The following KLHDC10 variants were observed in gnomAD, a reference collection of about 807,000 sequenced individuals.
KLHDC10 encodes the protein kelch domain-containing protein 10.
A neutral mutation model predicts 56.1 loss-of-function variants in KLHDC10; 24 were observed. The observed-to-expected ratio is 0.43, with a 90% CI of 0.31 to 0.60. The LOEUF (loss-of-function observed/expected upper bound fraction) is 0.60. Ranked by LOEUF, KLHDC10 falls within the 20% of genes least tolerant of loss-of-function variation. KLHDC10 has a pLI of 0.11. For missense variants in KLHDC10, 349 were observed against 567.0 expected (o/e 0.62, Z 3.91); for synonymous variants, 188 against 207.1 (o/e 0.91, Z 0.79).
intron 1 of KLHDC10, among the ~76,000 whole-genome samples, chr7:130,084,763 C>T (rs144497795): frequency 4.8e-5 from 7 of 145,378 alleles, no homozygotes; most frequent in African/African-American, 7.7e-5. Flanking sequence ...GGTGACAGAG[C>T]GAGACTCTGA....
intron 3 of KLHDC10, among the ~76,000 whole-genome samples, chr7:130,118,653 G>A (rs1467945130): frequency 6.6e-6 from 1 of 152,150 alleles, no homozygotes; most frequent in African/African-American, 2.4e-5. Flanking sequence ...TCCTCACTAA[G>A]CTTAGTCAAT....
chr7:130,083,235 G>A (rs1372242856), intron 1 of KLHDC10, among the ~76,000 whole-genome samples: 2 of 152,132 alleles, frequency 1.3e-5, no homozygotes, highest in African/African-American at 4.8e-5. Flanking sequence ...TCAATTTAGT[G>A]AGTCAAGCCA....
chr7:130,071,843 G>C (rs1584613678), intron 1 of KLHDC10, among the ~76,000 whole-genome samples: 1 of 152,168 alleles, frequency 6.6e-6, no homozygotes, highest in East Asian at 1.9e-4. Flanking sequence ...TTGTGCTTAA[G>C]ACTGTACCTT....
In KLHDC10 at chr7:130,123,012, GATGT is replaced by G. The variant is rs999264989; in HGVS notation, c.779+814_779+817del. ...ATGGATGGGTGATGAATGATAGATG[GATGT>G]ATGGATGGATGGATGGATGGATGGA... On this transcript the variant is annotated intron_variant, in intron 5 of 9. Coordinates refer to ENST00000335420, the MANE Select transcript of KLHDC10 (RefSeq NM_014997.4). Among the ~76,000 whole-genome samples, 51 of 132,440 alleles carry G rather than the reference GATGT, an allele frequency of 3.9e-4. No individual in the cohort carries two copies. The South Asian group carries it at 6.7e-3, about 17-fold the overall frequency. 86.9% of individuals were successfully genotyped at this position (132,440 alleles called of 152,430 possible).
intron 3 of KLHDC10, among the ~76,000 whole-genome samples, chr7:130,118,345 A>G (rs1796199053): frequency 6.6e-6 from 1 of 152,180 alleles, no homozygotes; most frequent in Admixed American, 6.6e-5. Context: ...AACCTCTGCT[A>G]GCTTCCAACA....
Position 130,129,447 on chromosome 7 carries a change from T to C in KLHDC10, c.990T>C (p.Ile330=). The change falls in exon 9 of 10, where the codon ATT becomes ATC. Residue 330 remains isoleucine, a synonymous_variant. Transcript: ENST00000335420. Reference sequence around the variant, plus strand: ...CTCTTTTCTTCATAGATGTATTTATTTGTGGGGGCTATAATGGAGAGGTGA... The same window carrying C: ...CTCTTTTCTTCATAGATGTATTTATCTGTGGGGGCTATAATGGAGAGGTGA... ...SCVQIKNDVF[I]CGGYNGEVIL... The C allele has an allele frequency of 6.2e-7, 1 of 1,613,858 alleles. No homozygotes were observed. Among genetic ancestry groups the C allele is most frequent in the South Asian group, 1.1e-5 (1 of 90,986 alleles).
chr7:130,080,181 A>T (rs1795583921), intron 1 of KLHDC10, among the ~76,000 whole-genome samples: 1 of 152,026 alleles, frequency 6.6e-6, no homozygotes, highest in Non-Finnish European at 1.5e-5. Flanking sequence ...GCCTCCAGTC[A>T]TCCTCTCACC....
chr7:130,078,614 G>A (rs1056610611), intron 1 of KLHDC10, among the ~76,000 whole-genome samples: 1 of 151,780 alleles, frequency 6.6e-6, no homozygotes, highest in Non-Finnish European at 1.5e-5. Context: ...TGCCTCCCGG[G>A]TTCACGCCAT....
In KLHDC10 at chr7:130,130,087, T is replaced by C. The variant is rs556302765; in HGVS notation, c.1120-450T>C. On this transcript the variant is annotated intron_variant, in intron 9 of 9. Transcript: ENST00000335420. The surrounding 1 kb of genome is among the most constrained non-coding windows in gnomAD (Gnocchi z 4.2). ...ATCCCAGCACTTTGGGAGGCCAAGG[T>C]GGGCGGATCACGAGGTCAGGAGATT... is the stretch of plus-strand genomic sequence containing the variant. Among the ~76,000 whole-genome samples the C allele has an allele frequency of 1.1e-4, 17 of 151,944 alleles. No individual in the cohort carries two copies. The highest frequency in any genetic ancestry group is 3.4e-3 in the Middle Eastern group (1 of 294).
At chr7:130,090,675 A>G (rs1795758795) in intron 1 of KLHDC10, among the ~76,000 whole-genome samples, 1 of 152,046 alleles carries the variant, frequency 6.6e-6, no homozygotes, top group African/African-American at 2.4e-5. Context: ...GAATGATAAC[A>G]TCCTGTTACT....
At chr7:130,102,827 A>AAC (rs1554465412) in intron 2 of KLHDC10, among the ~76,000 whole-genome samples, 2 of 152,174 alleles carry the variant, frequency 1.3e-5, no homozygotes, top group African/African-American at 4.8e-5. Flanking sequence ...CACTGTCTCA[A>AAC]AAAACAAAAC....
chr7:130,071,822 G>C (rs1327716347), intron 1 of KLHDC10, among the ~76,000 whole-genome samples: 2 of 152,144 alleles, frequency 1.3e-5, no homozygotes, highest in East Asian at 3.8e-4. Flanking sequence ...TGATGAATTG[G>C]TTTTTATGAA....
At chr7:130,125,247 A>G (rs903815700) in intron 6 of KLHDC10, among the ~76,000 whole-genome samples, 1 of 152,148 alleles carries the variant, frequency 6.6e-6, no homozygotes, top group Non-Finnish European at 1.5e-5. Flanking sequence ...TTTTCTGTGA[A>G]TTTTAAAAAG....
At chr7:130,128,887 A>ATATATATATATATATAT (rs1434178196) in intron 8 of KLHDC10, among the ~76,000 whole-genome samples, 4 of 68,246 alleles carry the variant, frequency 5.9e-5, no homozygotes, top group African/African-American at 2.7e-4. Context: ...AAAAAAAAAA[A>ATATATATATATATATAT]AAATATATAT....
chr7:130,107,286 A>G (rs1796021412), intron 2 of KLHDC10, among the ~76,000 whole-genome samples: 1 of 152,210 alleles, frequency 6.6e-6, no homozygotes, highest in Non-Finnish European at 1.5e-5. Context: ...AGAAGTACAC[A>G]TATTGGAAAA....
chr7:130,094,932 G>C (rs938144123), intron 1 of KLHDC10: 1 of 152,050 alleles, frequency 6.6e-6, no homozygotes, highest in Non-Finnish European at 1.5e-5. Flanking sequence ...GGGTCAAAGG[G>C]TATGTACATT....
chr7:130,070,568 G>A lies in KLHDC10; in HGVS notation c.-76G>A, dbSNP rs1008216028. 1 of 1,241,970 alleles carries A rather than the reference G, an allele frequency of 8.1e-7. No individual in the cohort carries two copies. The allele number at this position is 1,241,970 out of a possible 1,614,324, so 76.9% of individuals were successfully genotyped here. A position where few individuals can be genotyped will look rare whatever the true frequency, so the allele number is the denominator to read the frequency against. On this transcript the variant is annotated 5_prime_UTR_variant, in exon 1 of 10. Coordinates refer to ENST00000335420, the MANE Select transcript of KLHDC10 (RefSeq NM_014997.4). ...CCCTGTCTCCTGGGTCTCTGGAGGA[G>A]CCCAGGAAGGAGGCTCCGCTGGTTC...
intron 6 of KLHDC10, 87 bp downstream of exon 6, chr7:130,124,622 G>T: frequency 1.4e-6 from 1 of 718,684 alleles, no homozygotes; most frequent in Non-Finnish European, 2.5e-6. Flanking sequence ...CTGTTACTTT[G>T]GATATTTTAA....
intron 2 of KLHDC10, among the ~76,000 whole-genome samples, chr7:130,101,437 T>C (rs1202124505): frequency 6.6e-6 from 1 of 152,100 alleles, no homozygotes; most frequent in Admixed American, 6.6e-5. Context: ...TTTCTTAAAC[T>C]CTAAGCATAG....
Sources: gnomAD v4.1 joint callset for allele counts (sites outside exome capture counted in the v4.1 genomes callset) on GRCh38, gnomAD v4.1.1 for gene constraint, Gnocchi (gnomAD v3.1) non-coding constraint, MANE v1.5 for transcripts, NCBI Gene and HGNC (gene_info 2026-07-23, HGNC 2026-07-21) for gene names.